SLC2A14: variants seen among roughly 807,000 people sequenced by gnomAD.
SLC2A14 encodes solute carrier family 2, facilitated glucose transporter member 14.
In SLC2A14, 13 loss-of-function variants were observed where a neutral mutation model predicts 43.0. The observed-to-expected ratio is 0.30, with a 90% CI of 0.20 to 0.48. The LOEUF (loss-of-function observed/expected upper bound fraction) is 0.48. Among genes scored for constraint, SLC2A14 ranks in the 20% least tolerant of loss-of-function variants. SLC2A14 has a pLI of 0.99. For synonymous variants in SLC2A14, 190 were observed against 233.8 expected (o/e 0.81, Z 1.71); for missense variants, 428 against 620.4 (o/e 0.69, Z 3.29).
intron 2 of SLC2A14, among the ~76,000 whole-genome samples, chr12:7,866,629 G>A (rs1944929256): frequency 6.6e-6 from 1 of 152,136 alleles, no homozygotes; most frequent in South Asian, 2.1e-4. Flanking sequence ...GCCTCCCAAA[G>A]TGCTGGGATT....
rs946721011 is a variant in SLC2A14, at chr12:7,813,004, T to C, written c.*1312A>G. On this transcript the variant is annotated 3_prime_UTR_variant, in exon 11 of 11. Transcript: ENST00000431042. ...GTCTAAACCTGGTTTATTGGAAAGA[T>C]TCAAGTCCCCTGAGGGCATTCGGCA... 1.3e-5 allele frequency: 2 copies of C among 152,010 alleles called. No individual in the cohort carries two copies. The highest frequency in any genetic ancestry group is 2.9e-5 in the Non-Finnish European group (2 of 68,002). 9.4% of individuals were successfully genotyped at this position (152,010 alleles called of 1,614,324 possible).
chr12:7,873,289 C>T (rs1017816153), upstream of SLC2A14: 10 of 985,442 alleles, frequency 1.0e-5, no homozygotes, highest in African/African-American at 1.7e-5. Context: ...AGATAGTGCC[C>T]GGGCTATCCC....
chr12:7,850,464 C>T (rs374740881), intron 2 of SLC2A14, among the ~76,000 whole-genome samples: 1 of 151,670 alleles, frequency 6.6e-6, no homozygotes, highest in Admixed American at 6.6e-5. Context: ...GGTGTGATCT[C>T]GGCTCACTGC....
At chr12:7,885,084 T>G (rs1945666278) in intron 1 of SLC2A14, among the ~76,000 whole-genome samples, 1 of 152,180 alleles carries the variant, frequency 6.6e-6, no homozygotes, top group Non-Finnish European at 1.5e-5. Flanking sequence ...CCTTGAATAT[T>G]AAAAGCCTTT....
intron 7 of SLC2A14, among the ~76,000 whole-genome samples, chr12:7,826,767 G>A (rs1481461923): frequency 2.0e-5 from 3 of 151,904 alleles, no homozygotes; most frequent in African/African-American, 7.3e-5. Flanking sequence ...ATAGAGACTG[G>A]TAAAGTCAGC....
rs774979986 is a variant in SLC2A14 at position 7,821,286 on chromosome 12, C to A, written c.904G>T (p.Val302Phe). ...ATGGTGGCATAGATGGGCTGTTGAA[C>A]ACCTGCATCCTTGAAGATTCCTGTT... ...YSTGIFKDAGVQQPIYATISA... is the reference protein window; with the variant it reads ...YSTGIFKDAGFQQPIYATISA... The change falls in exon 8 of 11, where the codon GTT becomes TTT. Residue 302 changes from valine (V) to phenylalanine (F), a missense_variant. Physicochemically the swap from Val to Phe is conservative, Grantham distance 50. Around this residue, in one of 4 missense-constraint regions of SLC2A14, gnomAD observed 185 missense variants for 275.4 expected, o/e 0.67. Coordinates refer to ENST00000431042, the MANE Select transcript of SLC2A14 (RefSeq NM_001286234.2). 3 of 1,613,828 alleles carry A rather than the reference C, an allele frequency of 1.9e-6. No individual in the cohort carries two copies. Among genetic ancestry groups the A allele is most frequent in the Non-Finnish European group, 2.5e-6 (3 of 1,179,854 alleles).
chr12:7,858,771 T>C (rs934281483), intron 2 of SLC2A14, among the ~76,000 whole-genome samples: 5 of 152,130 alleles, frequency 3.3e-5, no homozygotes, highest in Non-Finnish European at 5.9e-5. Context: ...AGTGCTGGGA[T>C]TACAGGCGTG....
At chr12:7,874,055 G>T (rs539624684), upstream of SLC2A14, among the ~76,000 whole-genome samples, 61 of 152,116 alleles carry the variant, frequency 4.0e-4, no homozygotes, top group Non-Finnish European at 8.1e-4. Context: ...CTGAATTGTT[G>T]ATCAGGGAAC....
At position 7,866,911 on chromosome 12, in the gene SLC2A14, C is replaced by T. The variant is rs916892589; in HGVS notation, c.18+2952G>A. ...TTTCAGTGTAGATGAAAAAGCCTTA[C>T]ATTGGAGGAAGATGCCATCTAGGAC... On this transcript the variant is annotated intron_variant, in intron 2 of 10. Coordinates refer to ENST00000431042, the MANE Select transcript of SLC2A14 (RefSeq NM_001286234.2). Among the ~76,000 whole-genome samples, 5 of 150,930 alleles carry T rather than the reference C, an allele frequency of 3.3e-5. No homozygotes were observed. In the South Asian group the frequency reaches 8.4e-4, roughly 25 times the overall value.
rs200297164 is a variant in SLC2A14 at position 7,831,692 on chromosome 12, T to G, written c.184A>C (p.Asn62His). The G allele has an allele frequency of 7.5e-5, 121 of 1,614,092 alleles. No individual in the cohort carries two copies. The highest frequency in any genetic ancestry group is 9.0e-5 in the Non-Finnish European group (106 of 1,180,038). Residue 62 changes from asparagine (N) to histidine (H), a missense_variant, in exon 4 of 11, where the codon AAT becomes CAT. Asn to His is a moderately conservative substitution (Grantham distance 68, BLOSUM62 1). Transcript: ENST00000431042. Reference protein sequence around the residue: ...NAPPSEVLLTNLWSLSVAIFS... With the variant: ...NAPPSEVLLTHLWSLSVAIFS... ...ATGGCCACAGACAAGGACCAGAGATTCGTGAGCAGCACCTCAGAGGGAGGG... is the reference window on the plus strand; with the variant it reads ...ATGGCCACAGACAAGGACCAGAGATGCGTGAGCAGCACCTCAGAGGGAGGG...
intron 2 of SLC2A14, among the ~76,000 whole-genome samples, chr12:7,849,125 G>A (rs2120916602): frequency 6.6e-6 from 1 of 152,246 alleles, no homozygotes; most frequent in East Asian, 1.9e-4. Context: ...AAAGTGCTGG[G>A]ATTACTGGTC....
intron 9 of SLC2A14, 152 bp downstream of exon 9, chr12:7,819,330 C>T (rs1250640460): frequency 7.6e-7 from 1 of 1,321,366 alleles, no homozygotes; most frequent in Non-Finnish European, 1.0e-6. Context: ...TCTCTGATGA[C>T]CCATGTTTCT....
At chr12:7,881,457 C>G (rs1245216642) in intron 1 of SLC2A14, among the ~76,000 whole-genome samples, 4 of 152,056 alleles carry the variant, frequency 2.6e-5, no homozygotes, top group African/African-American at 9.7e-5. Context: ...GCTGGGTTCC[C>G]CAGCAGTGCC....
At chr12:7,888,747 G>A (rs1452239769) in intron 1 of SLC2A14, among the ~76,000 whole-genome samples, 3 of 138,718 alleles carry the variant, frequency 2.2e-5, no homozygotes, top group Non-Finnish European at 4.5e-5. Context: ...GCAGTGAGCT[G>A]AGATCGTGCC....
chr12:7,862,058 G>C (rs934435624), intron 2 of SLC2A14, among the ~76,000 whole-genome samples: 1 of 151,240 alleles, frequency 6.6e-6, no homozygotes, highest in Admixed American at 6.6e-5. Flanking sequence ...GAGGTGAGGA[G>C]TTTGAGACCA....
intron 1 of SLC2A14, among the ~76,000 whole-genome samples, chr12:7,879,738 C>T (rs1294692654): frequency 6.6e-6 from 1 of 151,982 alleles, no homozygotes; most frequent in African/African-American, 2.4e-5. Context: ...GGCACAGTGG[C>T]TCATGCCTGT....
intron 7 of SLC2A14, among the ~76,000 whole-genome samples, chr12:7,822,538 G>A (rs983453170): frequency 3.9e-5 from 6 of 152,000 alleles, no homozygotes; most frequent in East Asian, 2.0e-4. Context: ...GCGTGGTGGC[G>A]GGCGCCTGTA....
chr12:7,881,079 C>T (rs926564883), intron 1 of SLC2A14, among the ~76,000 whole-genome samples: 1 of 152,158 alleles, frequency 6.6e-6, no homozygotes, highest in African/African-American at 2.4e-5. Context: ...GCGGAGGTTG[C>T]AGTAAGCCGA....
At chr12:7,848,382 A>T (rs4595621) in intron 2 of SLC2A14, among the ~76,000 whole-genome samples, 64,441 of 131,286 alleles carry the variant, frequency 0.49, 13,930 homozygotes, top group Admixed American at 0.59. Context: ...TCTTTTTTTT[A>T]TTATTATTTT....
Sources: allele counts gnomAD v4.1 joint callset (sites outside exome capture counted in the v4.1 genomes callset), GRCh38; gene constraint gnomAD v4.1.1; regional missense constraint gnomAD v4.1.1; transcripts MANE v1.5; gene names NCBI Gene and HGNC (gene_info 2026-07-23, HGNC 2026-07-21).